Variants in SYT16 observed in about 807,000 individuals in gnomAD.
The protein encoded by SYT16 is synaptotagmin 16, also known as synaptotagmin-16.
SYT16 carries 42 observed loss-of-function variants against 61.4 expected under a neutral mutation model. That is an observed-to-expected ratio of 0.68 (90% CI 0.53 to 0.89). SYT16 has a LOEUF of 0.89. Among genes scored for constraint, SYT16 ranks in the 40% least tolerant of loss-of-function variants. The pLI is 0.00. For missense variants in SYT16, 804 were observed against 807.3 expected (o/e 1.00, Z 0.05); for synonymous variants, 314 against 302.3 (o/e 1.04, Z -0.40).
In SYT16 at chr14:61,919,335, G is replaced by T. The variant is rs773735894; in HGVS notation, c.-324-50797G>T. Among the ~76,000 whole-genome samples the T allele has an allele frequency of 3.3e-5, 5 of 152,292 alleles. No individual in the cohort carries two copies. The East Asian group carries it at 7.7e-4, about 24-fold the overall frequency. On this transcript the variant is annotated intron_variant, in intron 1 of 7. Coordinates refer to ENST00000683842, the MANE Select transcript of SYT16 (RefSeq NM_001367656.1). The stretch of plus-strand genomic sequence containing the variant: ...AAGGACATTGTGCTAATTTCTTATT[G>T]CTGATGTAACAAATTACCACAAACT...
rs1019972795 is a variant in SYT16, at chr14:62,040,026, CT to C, written c.524-29566del. Among the ~76,000 whole-genome samples the C allele has an allele frequency of 1.8e-3, 258 of 146,800 alleles. 2 individuals are homozygous for C. The highest frequency in any genetic ancestry group is 0.013 in the South Asian group (60 of 4,634). ...TAATCTAGCAGCAATCTTGGTTCTG[CT>C]TTTTTTTTTTCTCTTTTACTGTGTT... On this transcript the variant is annotated intron_variant, in intron 3 of 7. Coordinates refer to ENST00000683842, the MANE Select transcript of SYT16 (RefSeq NM_001367656.1).
chr14:61,907,746 C>G (rs766928433), intron 1 of SYT16, among the ~76,000 whole-genome samples: 17 of 152,230 alleles, frequency 1.1e-4, no homozygotes, highest in Admixed American at 7.8e-4. Flanking sequence ...ATGAATCACA[C>G]AGGTAACTCT....
At chr14:61,954,606 G>A (rs775497560) in intron 1 of SYT16, among the ~76,000 whole-genome samples, 3 of 152,070 alleles carry the variant, frequency 2.0e-5, no homozygotes, top group Non-Finnish European at 4.4e-5. Context: ...TAAATTTCTT[G>A]ACATATGTGC....
intron 3 of SYT16, among the ~76,000 whole-genome samples, chr14:62,018,272 T>G (rs1235576781): frequency 6.7e-6 from 1 of 149,736 alleles, no homozygotes; most frequent in Admixed American, 6.6e-5. Flanking sequence ...CTGGTCCCCT[T>G]GGGTCTTTCT....
chr14:61,925,081 G>C (rs1393617428), intron 1 of SYT16, among the ~76,000 whole-genome samples: 1 of 152,162 alleles, frequency 6.6e-6, no homozygotes, highest in African/African-American at 2.4e-5. Flanking sequence ...CTCTTGATTT[G>C]GCACAGCCAT....
chr14:61,886,268 G>GGCTA (rs1268211638), intron 1 of SYT16, among the ~76,000 whole-genome samples: 2 of 152,116 alleles, frequency 1.3e-5, no homozygotes, highest in Non-Finnish European at 2.9e-5. Flanking sequence ...CTGGCTGGCT[G>GGCTA]TGGCAATTTT....
chr14:62,015,247 A>G (rs1255041644), intron 3 of SYT16, among the ~76,000 whole-genome samples: 1 of 151,904 alleles, frequency 6.6e-6, no homozygotes, highest in Non-Finnish European at 1.5e-5. Context: ...AATAATTTTT[A>G]CATTGCCAGC....
At chr14:61,930,925 T>C (rs1242792706) in intron 1 of SYT16, among the ~76,000 whole-genome samples, 1 of 152,222 alleles carries the variant, frequency 6.6e-6, no homozygotes, top group Non-Finnish European at 1.5e-5. Context: ...TGGAATGGAA[T>C]GCCGCCCTCC....
chr14:61,877,736 C>T (rs2047549650), intron 1 of SYT16, among the ~76,000 whole-genome samples: 1 of 152,190 alleles, frequency 6.6e-6, no homozygotes, highest in South Asian at 2.1e-4. Flanking sequence ...TACTCAGGGT[C>T]ACATGATTCC....
chr14:61,916,798 A>C (rs186427341), intron 1 of SYT16, among the ~76,000 whole-genome samples: 1 of 151,902 alleles, frequency 6.6e-6, no homozygotes, highest in African/African-American at 2.4e-5. Context: ...CATGAGATCC[A>C]CTTTTTTTCT....
chr14:62,025,736 G>C (rs948957483), intron 3 of SYT16, among the ~76,000 whole-genome samples: 1 of 151,808 alleles, frequency 6.6e-6, no homozygotes, highest in African/African-American at 2.4e-5. Context: ...ATTTTGGGGG[G>C]TGCTAATGTA....
At chr14:61,869,228 A>G (rs542287940) in intron 1 of SYT16, among the ~76,000 whole-genome samples, 1 of 152,084 alleles carries the variant, frequency 6.6e-6, no homozygotes, top group South Asian at 2.1e-4. Context: ...ATCCAATTTT[A>G]TAGTCTGTTT....
At chr14:61,929,145 GT>G (rs1320706150) in intron 1 of SYT16, among the ~76,000 whole-genome samples, 3 of 152,202 alleles carry the variant, frequency 2.0e-5, no homozygotes, top group Non-Finnish European at 4.4e-5. Context: ...AGTTCAGGCT[GT>G]TTTGATGTAG....
intron 1 of SYT16, among the ~76,000 whole-genome samples, chr14:61,852,755 T>G (rs1418785782): frequency 1.3e-5 from 2 of 152,214 alleles, no homozygotes; most frequent in Non-Finnish European, 2.9e-5. Flanking sequence ...TTGTGATTTT[T>G]GCATGTTGGT....
At chr14:61,930,803 A>G (rs2049735773) in intron 1 of SYT16, among the ~76,000 whole-genome samples, 1 of 152,108 alleles carries the variant, frequency 6.6e-6, no homozygotes, top group Admixed American at 6.6e-5. Context: ...GAAGAACTCC[A>G]CTAGCTGTTG....
chr14:61,955,903 A>T (rs1317376821), intron 1 of SYT16, among the ~76,000 whole-genome samples: 3 of 152,088 alleles, frequency 2.0e-5, no homozygotes, highest in Non-Finnish European at 4.4e-5. Flanking sequence ...TTACATTCCC[A>T]TCAACACTGT....
chr14:61,996,245 T>G lies in SYT16; in HGVS notation c.226T>G (p.Trp76Gly). Residue 76 changes from tryptophan (W) to glycine (G), a missense_variant, in exon 3 of 8, where the codon TGG becomes GGG. Trp to Gly is a radical substitution (Grantham distance 184). Transcript: ENST00000683842. ...TGAAGATGAAGAACAAGACAATGAT[T>G]GGAGTCAAGAGGATGCAAATTCCTT... is the stretch of plus-strand genomic sequence containing the variant. ...YFEDEEQDND[W>G]SQEDANSLFL... 6.2e-7 allele frequency: 1 copy of G among 1,613,640 alleles called. No individual in the cohort carries two copies. Among genetic ancestry groups the G allele is most frequent in the Non-Finnish European group, 8.5e-7 (1 of 1,179,654 alleles).
intron 5 of SYT16, among the ~76,000 whole-genome samples, chr14:62,080,263 C>T (rs1019896953): frequency 6.6e-6 from 1 of 152,180 alleles, no homozygotes; most frequent in African/African-American, 2.4e-5. Flanking sequence ...CCACTCCAGA[C>T]CTACTGAATC....
At chr14:61,823,212 C>A (rs577958782) in intron 1 of SYT16, among the ~76,000 whole-genome samples, 1 of 151,982 alleles carries the variant, frequency 6.6e-6, no homozygotes, top group African/African-American at 2.4e-5. Context: ...AGGCTGGTCT[C>A]GAACTCCTGA....
Sources: gnomAD v4.1 joint callset for allele counts (sites outside exome capture counted in the v4.1 genomes callset) on GRCh38, gnomAD v4.1.1 for gene constraint, MANE v1.5 for transcripts, NCBI Gene and HGNC (gene_info 2026-07-23, HGNC 2026-07-21) for gene names.